CYP19A1: variants seen among roughly 807,000 people sequenced by gnomAD.
CYP19A1 encodes the protein aromatase.
CYP19A1 carries 32 observed loss-of-function variants against 44.4 expected under a neutral mutation model. The ratio of observed to expected loss-of-function variants is 0.72; its 90% CI spans 0.54 to 0.97. CYP19A1 has a LOEUF of 0.97. CYP19A1 is among the 50% of genes least tolerant of loss of function. CYP19A1 has a pLI of 0.00. For missense variants in CYP19A1, 598 were observed against 637.8 expected, an observed-to-expected ratio of 0.94 and a Z score of 0.67; for synonymous variants, 212 against 215.6, an observed-to-expected ratio of 0.98 and a Z score of 0.14.
chr15:51,285,575 G>C (rs897138973), intron 1 of CYP19A1, among the ~76,000 whole-genome samples: 2 of 152,162 alleles, frequency 1.3e-5, no homozygotes, highest in South Asian at 2.1e-4. Context: ...AAAACCCCTC[G>C]TGGCCTCTGG....
intron 1 of CYP19A1, among the ~76,000 whole-genome samples, chr15:51,270,777 C>T (rs1386656547): frequency 2.6e-5 from 4 of 152,160 alleles, no homozygotes; most frequent in Admixed American, 1.3e-4. Flanking sequence ...TTCCTCCCAC[C>T]GCAAGCTGAC....
chr15:51,336,126 T>C (rs993468913), intron 1 of CYP19A1, among the ~76,000 whole-genome samples: 2 of 152,204 alleles, frequency 1.3e-5, no homozygotes, highest in Non-Finnish European at 2.9e-5. Flanking sequence ...TTCAGTGATA[T>C]GATCTCAAGG....
rs1595675358 is a variant in CYP19A1, at chr15:51,218,532, A to G, written c.743+9T>C. 6.2e-7 allele frequency: 1 copy of G among 1,610,080 alleles called. No homozygotes were observed. Among genetic ancestry groups the G allele is most frequent in the Non-Finnish European group, 8.5e-7 (1 of 1,177,942 alleles). ...GTACTCATAAATCTTCCAAAGTTGT[A>G]TTACTTACACAGACTTCTCATACTT... On this transcript the variant is annotated intron_variant, in intron 6 of 9. Transcript: ENST00000396402.
At chr15:51,267,893 G>T (rs1209969600) in intron 1 of CYP19A1, among the ~76,000 whole-genome samples, 5 of 152,188 alleles carry the variant, frequency 3.3e-5, no homozygotes, top group Non-Finnish European at 5.9e-5. Flanking sequence ...ACTGGAAGGA[G>T]CCTGAACGCC....
chr15:51,325,374 G>T lies in CYP19A1; in HGVS notation c.-39+13121C>A, dbSNP rs777439621. 9.2e-5 allele frequency among the ~76,000 whole-genome samples: 14 copies of T among 152,148 alleles called. 1 individual carries two copies. Among genetic ancestry groups the T allele is most frequent in the Non-Finnish European group, 1.3e-4 (9 of 68,020 alleles). On this transcript the variant is annotated intron_variant, in intron 1 of 9. Transcript: ENST00000396402. ...CCATTGTAAGGACTTGCAGCCCATA[G>T]ATATTCGCCTCCCCTGCCACCCACT...
At chr15:51,265,578 G>A (rs1456061162) in intron 1 of CYP19A1, among the ~76,000 whole-genome samples, 1 of 152,116 alleles carries the variant, frequency 6.6e-6, no homozygotes, top group Admixed American at 6.5e-5. Flanking sequence ...CCTGACTGCA[G>A]TTTCCTATCA....
chr15:51,279,372 G>A (rs957941391), intron 1 of CYP19A1, among the ~76,000 whole-genome samples: 3 of 152,166 alleles, frequency 2.0e-5, no homozygotes, highest in African/African-American at 7.2e-5. Flanking sequence ...AAGATGAGAA[G>A]GTTCCCATTC....
intron 1 of CYP19A1, among the ~76,000 whole-genome samples, chr15:51,259,839 A>T (rs2034648609): frequency 6.6e-6 from 1 of 152,226 alleles, no homozygotes; most frequent in South Asian, 2.1e-4. Flanking sequence ...CCCAAATTAC[A>T]TTTATGATTC....
chr15:51,228,548 G>T (rs1366893498), intron 3 of CYP19A1, among the ~76,000 whole-genome samples: 1 of 152,190 alleles, frequency 6.6e-6, no homozygotes, highest in African/African-American at 2.4e-5. Context: ...CCAGCGCCTG[G>T]CTGGACTGGC....
rs187461148 is a variant in CYP19A1 at position 51,311,930 on chromosome 15, C to T, written c.-39+26565G>A. 8.1e-4 allele frequency among the ~76,000 whole-genome samples: 123 copies of T among 152,300 alleles called. 4 individuals are homozygous for T. In the East Asian group the frequency reaches 0.021, roughly 27 times the overall value. The stretch of plus-strand genomic sequence containing the variant: ...AAGCCCCTTCAGCTCTAAAATACCA[C>T]CCTTTATGAACTCTTATGTGAAATT... On this transcript the variant is annotated intron_variant, in intron 1 of 9. Transcript: ENST00000396402.
At chr15:51,324,591 T>A (rs999970961) in intron 1 of CYP19A1, among the ~76,000 whole-genome samples, 1 of 152,196 alleles carries the variant, frequency 6.6e-6, no homozygotes, top group Non-Finnish European at 1.5e-5. Flanking sequence ...GGCAATAAAA[T>A]AATATAAACT....
intron 1 of CYP19A1, 68 bp from the exon 2 acceptor site, chr15:51,243,018 T>G: frequency 1.2e-6 from 1 of 814,402 alleles, no homozygotes; most frequent in Non-Finnish European, 2.2e-6. Flanking sequence ...CTCCTGTTGC[T>G]TCAGAGGGTG....
chr15:51,244,994 A>C (rs1386841984), intron 1 of CYP19A1, among the ~76,000 whole-genome samples: 2 of 152,228 alleles, frequency 1.3e-5, no homozygotes, highest in Non-Finnish European at 2.9e-5. Context: ...CTAATGTTTC[A>C]AATTACTGTG....
intron 1 of CYP19A1, among the ~76,000 whole-genome samples, chr15:51,290,822 C>A (rs1230865879): frequency 6.6e-6 from 1 of 152,260 alleles, no homozygotes; most frequent in Admixed American, 6.5e-5. Context: ...GGACTTCCAA[C>A]TGGTCCTCTA....
chr15:51,297,168 T>A (rs532790852), intron 1 of CYP19A1, among the ~76,000 whole-genome samples: 2 of 152,296 alleles, frequency 1.3e-5, no homozygotes, highest in African/African-American at 4.8e-5. Flanking sequence ...TGGAAGAACT[T>A]GAGAATTTAT....
chr15:51,307,727 T>C (rs994248174), intron 1 of CYP19A1, among the ~76,000 whole-genome samples: 1 of 152,146 alleles, frequency 6.6e-6, no homozygotes, highest in Non-Finnish European at 1.5e-5. Context: ...AAATAGGGCC[T>C]CAAAAGAGGA....
At chr15:51,298,772 G>T (rs1272217776) in intron 1 of CYP19A1, among the ~76,000 whole-genome samples, 1 of 152,254 alleles carries the variant, frequency 6.6e-6, no homozygotes, top group East Asian at 1.9e-4. Flanking sequence ...CTCAACTGCT[G>T]CTGATCATCA....
At chr15:51,303,667 G>A (rs1237359359) in intron 1 of CYP19A1, among the ~76,000 whole-genome samples, 1 of 152,154 alleles carries the variant, frequency 6.6e-6, no homozygotes, top group African/African-American at 2.4e-5. Context: ...AAAACCAGCA[G>A]GTTGTGTGTA....
chr15:51,308,818 CTT>C (rs756863517), intron 1 of CYP19A1, among the ~76,000 whole-genome samples: 7 of 152,184 alleles, frequency 4.6e-5, no homozygotes, highest in Non-Finnish European at 1.0e-4. Flanking sequence ...AAACACAACA[CTT>C]ATCACACAGG....
Sources: gnomAD v4.1 joint callset for allele counts (sites outside exome capture counted in the v4.1 genomes callset) on GRCh38, gnomAD v4.1.1 for gene constraint, MANE v1.5 for transcripts, NCBI Gene and HGNC (gene_info 2026-07-23, HGNC 2026-07-21) for gene names.